Variants in SLC6A9 observed in about 807,000 individuals in gnomAD.
The protein encoded by SLC6A9 is sodium- and chloride-dependent glycine transporter 1.
A neutral mutation model predicts 70.9 loss-of-function variants in SLC6A9; 31 were observed. That is an observed-to-expected ratio of 0.44 (90% CI 0.33 to 0.59). SLC6A9 has a LOEUF of 0.59. Among genes scored for constraint, SLC6A9 ranks in the 20% least tolerant of loss-of-function variants. The probability of loss-of-function intolerance (pLI) is 0.04; values close to 1 mark genes in which losing one functional copy is unlikely to be tolerated. For missense variants in SLC6A9, 631 were observed against 845.2 expected (o/e 0.75, Z 3.14); for synonymous variants, 310 against 341.3 (o/e 0.91, Z 1.01).
Position 44,001,464 on chromosome 1 carries a change from T to A in SLC6A9, c.1126A>T (p.Thr376Ser). Reference protein sequence around the residue: ...LAFVAYPEALTLLPISPLWSL... With the variant: ...LAFVAYPEALSLLPISPLWSL... ...CACAGCGGGGAGATGGGAAGTAGTG[T>A]GAGGGCCTCGGGGTAAGCCACGAAG... Residue 376 changes from threonine to serine, a missense_variant, in exon 9 of 14, where the codon ACA (threonine) becomes TCA (serine). Transcript: ENST00000372310. 6.2e-7 allele frequency: 1 copy of A among 1,614,062 alleles called. No individual in the cohort carries two copies. Among genetic ancestry groups the A allele is most frequent in the South Asian group, 1.1e-5 (1 of 91,076 alleles).
intron 5 of SLC6A9, among the ~76,000 whole-genome samples, chr1:44,007,740 G>A (rs2086369454): frequency 6.6e-6 from 1 of 152,102 alleles, no homozygotes. Flanking sequence ...CTGGGACAGA[G>A]CCTTTGCCCA....
Position 43,997,100 on chromosome 1 carries a change from C to T in SLC6A9, c.*445G>A, listed in dbSNP as rs2085891075. The T allele has an allele frequency of 5.2e-6, 1 of 192,398 alleles. No individual in the cohort carries two copies. The highest frequency in any genetic ancestry group is 1.0e-5 in the Non-Finnish European group (1 of 95,426). The allele number at this position is 192,398 out of a possible 1,614,324, so 11.9% of individuals were successfully genotyped here. A position where few individuals can be genotyped will look rare whatever the true frequency, so the allele number is the denominator to read the frequency against. ...CCTGACAAGTAACACTGGGCAGTCC[C>T]CCAGCCCTTCATCCTGCCCCTAGGG... On this transcript the variant is annotated 3_prime_UTR_variant, in exon 14 of 14. Transcript: ENST00000372310. The surrounding 1 kb of genome is among the most constrained non-coding windows in gnomAD (Gnocchi z 4.4).
chr1:44,004,674 C>T (rs568830509), intron 5 of SLC6A9, among the ~76,000 whole-genome samples: 1 of 152,298 alleles, frequency 6.6e-6, no homozygotes, highest in South Asian at 2.1e-4. Context: ...AAGAATATAG[C>T]GTTACAGTGT....
chr1:44,017,202 C>T (rs925153586), intron 2 of SLC6A9: 8 of 1,561,858 alleles, frequency 5.1e-6, no homozygotes, highest in African/African-American at 2.7e-5. Context: ...GGCTGGGCAG[C>T]GTCAATTACT....
rs541164381 is a variant in SLC6A9 at position 44,012,752 on chromosome 1, C to A, written c.31-1870G>T. Reference sequence around the variant, plus strand: ...ATGGAAGGAGGACAAGGCAGGAAAGCAGGGCTGAGGTCAAGGAAGGTCTCC... The same window carrying A: ...ATGGAAGGAGGACAAGGCAGGAAAGAAGGGCTGAGGTCAAGGAAGGTCTCC... On this transcript the variant is annotated intron_variant, in intron 2 of 13. Transcript: ENST00000372310. Among the ~76,000 whole-genome samples the A allele has an allele frequency of 1.5e-3, 226 of 152,316 alleles. 1 individual carries two copies. The highest frequency in any genetic ancestry group is 5.3e-3 in the African/African-American group (220 of 41,570).
In SLC6A9 at chr1:43,997,523, G is replaced by A. The variant is rs200555200; in HGVS notation, c.*22C>T. On this transcript the variant is annotated 3_prime_UTR_variant, in exon 14 of 14. Transcript: ENST00000372310. This position sits in a 1 kb window ranked among gnomAD's most constrained non-coding sequence, Gnocchi z 4.4. ...GGTGGGAGCACGGGGTGGGGGTGGG[G>A]CCACTCCCCTGGCAGCTGTGCTCAT... 2 of 1,600,084 alleles carry A rather than the reference G, an allele frequency of 1.2e-6. No homozygotes were observed. The highest frequency in any genetic ancestry group is 1.7e-6 in the Non-Finnish European group (2 of 1,169,104).
At position 44,011,542 on chromosome 1, in the gene SLC6A9, G is replaced by T. The variant is rs200523508; in HGVS notation, c.31-660C>A. On this transcript the variant is annotated intron_variant, in intron 2 of 13. Transcript: ENST00000372310. Reference sequence around the variant, plus strand: ...TAGCTACACTGCCCATGGCTGGGGAGGGGCCCTGGGGAGCTGACCTGGGCC... The same window carrying T: ...TAGCTACACTGCCCATGGCTGGGGATGGGCCCTGGGGAGCTGACCTGGGCC... The T allele has an allele frequency of 1.9e-5, 30 of 1,609,608 alleles. No individual in the cohort carries two copies. The highest frequency in any genetic ancestry group is 2.2e-5 in the Non-Finnish European group (26 of 1,176,540).
At chr1:44,028,615 C>T (rs900144616) in intron 1 of SLC6A9, among the ~76,000 whole-genome samples, 3 of 152,138 alleles carry the variant, frequency 2.0e-5, no homozygotes, top group South Asian at 4.1e-4. Flanking sequence ...ATTAGCTGGG[C>T]GTGGTGGCAG....
intron 2 of SLC6A9, among the ~76,000 whole-genome samples, chr1:44,021,176 G>A (rs184473089): frequency 3.0e-4 from 46 of 152,236 alleles, no homozygotes; most frequent in African/African-American, 9.9e-4. Context: ...GCCCTGCTCC[G>A]CACGTGTATG....
intron 5 of SLC6A9, among the ~76,000 whole-genome samples, chr1:44,007,110 T>C (rs2086346655): frequency 6.6e-6 from 1 of 152,178 alleles, no homozygotes; most frequent in Admixed American, 6.5e-5. Flanking sequence ...CACCTGCTCA[T>C]GTGGTTCCCA....
intron 2 of SLC6A9, chr1:44,016,388 T>G (rs1195685146): frequency 2.0e-5 from 3 of 152,534 alleles, no homozygotes; most frequent in African/African-American, 4.8e-5. Flanking sequence ...ACATTCCCTC[T>G]CTTGCCTTTT....
At chr1:44,012,057 G>A (rs956305574) in intron 2 of SLC6A9, among the ~76,000 whole-genome samples, 31 of 152,198 alleles carry the variant, frequency 2.0e-4, no homozygotes, top group African/African-American at 7.0e-4. Context: ...TCCCAGAGGT[G>A]AGCTATTCCC....
intron 12 of SLC6A9, among the ~76,000 whole-genome samples, chr1:43,999,185 G>A (rs2085997484): frequency 6.6e-6 from 1 of 152,044 alleles, no homozygotes; most frequent in African/African-American, 2.4e-5. Context: ...GCTGACAGAA[G>A]GGTGGAGTTT....
At chr1:44,011,195 G>GGGGCCAGTTAGA (rs2086554031) in intron 2 of SLC6A9, among the ~76,000 whole-genome samples, 1 of 152,172 alleles carries the variant, frequency 6.6e-6, no homozygotes. Flanking sequence ...GAGCCCCCAA[G>GGGGCCAGTTAGA]CCCCTCCAAA....
intron 5 of SLC6A9, among the ~76,000 whole-genome samples, chr1:44,003,492 C>CCT (rs978615706): frequency 7.9e-5 from 12 of 152,282 alleles, no homozygotes; most frequent in Admixed American, 6.5e-5. Flanking sequence ...TGTGGTGGCT[C>CCT]ACACCTGTAA....
Position 44,013,459 on chromosome 1 carries a change from G to A in SLC6A9, c.31-2577C>T, listed in dbSNP as rs1050568598. On this transcript the variant is annotated intron_variant, in intron 2 of 13. Coordinates refer to ENST00000372310, the MANE Select transcript of SLC6A9 (RefSeq NM_001024845.3). The surrounding 1 kb of genome is among the most constrained non-coding windows in gnomAD (Gnocchi z 5.3). Reference sequence around the variant, plus strand: ...GCTAACCAGCTTAGCCGTGCGGGCTGTAACCCAGGGAGGCCACAGCCCCCG... The same window carrying A: ...GCTAACCAGCTTAGCCGTGCGGGCTATAACCCAGGGAGGCCACAGCCCCCG... Among the ~76,000 whole-genome samples, 2 of 152,230 alleles carry A rather than the reference G, an allele frequency of 1.3e-5. No homozygotes were observed. The highest frequency in any genetic ancestry group is 4.8e-5 in the African/African-American group (2 of 41,456).
Position 44,002,738 on chromosome 1 carries a change from C to T in SLC6A9, c.724-92G>A. ...CCCTAATCACCACCAGCCCCCTGGT[C>T]CCTCTCCGGCTCCGGAGTCCCTTCA... On this transcript the variant is annotated intron_variant, in intron 6 of 13. Coordinates refer to ENST00000372310, the MANE Select transcript of SLC6A9 (RefSeq NM_001024845.3). The surrounding 1 kb of genome is among the most constrained non-coding windows in gnomAD (Gnocchi z 5.5). 6.3e-7 allele frequency: 1 copy of T among 1,591,730 alleles called. No individual in the cohort carries two copies. Among genetic ancestry groups the T allele is most frequent in the Non-Finnish European group, 8.6e-7 (1 of 1,161,924 alleles).
chr1:44,002,807 G>T lies in SLC6A9; in HGVS notation c.723+46C>A. On this transcript the variant is annotated intron_variant, in intron 6 of 13. Coordinates refer to ENST00000372310, the MANE Select transcript of SLC6A9 (RefSeq NM_001024845.3). The surrounding 1 kb of genome is among the most constrained non-coding windows in gnomAD (Gnocchi z 5.5). ...ACACACATAACCCAGGTAGGGGGCAGGGTCTTTCTGGGTGGGCACAGACCC... is the reference window on the plus strand; with the variant it reads ...ACACACATAACCCAGGTAGGGGGCATGGTCTTTCTGGGTGGGCACAGACCC... The T allele has an allele frequency of 6.2e-7, 1 of 1,611,230 alleles. No homozygotes were observed. The highest frequency in any genetic ancestry group is 8.5e-7 in the Non-Finnish European group (1 of 1,177,926).
intron 4 of SLC6A9, among the ~76,000 whole-genome samples, chr1:44,009,577 G>C (rs2086470032): frequency 6.6e-6 from 1 of 152,216 alleles, no homozygotes; most frequent in South Asian, 2.1e-4. Context: ...GACCTCAGGT[G>C]ATCTGCCTGC....
Sources: gnomAD v4.1 joint callset for allele counts (sites outside exome capture counted in the v4.1 genomes callset) on GRCh38, gnomAD v4.1.1 for gene constraint, Gnocchi (gnomAD v3.1) non-coding constraint, MANE v1.5 for transcripts, NCBI Gene and HGNC (gene_info 2026-07-23, HGNC 2026-07-21) for gene names.